Variants in EPHA7 observed in about 807,000 individuals in gnomAD.
EPHA7 encodes the protein EPH receptor A7.
Under a neutral mutation model 112.6 loss-of-function variants are expected in EPHA7, and 25 were observed. The observed-to-expected ratio is 0.22, with a 90% CI of 0.16 to 0.31. The LOEUF is 0.31. Ranked by LOEUF, EPHA7 falls within the 10% of genes least tolerant of loss-of-function variation. EPHA7 has a pLI of 1.00. For synonymous variants in EPHA7, 437 were observed against 406.5 expected, an observed-to-expected ratio of 1.07 and a Z score of -0.90; for missense variants, 962 against 1,212.6, an observed-to-expected ratio of 0.79 and a Z score of 3.07.
chr6:93,414,834 AG>A, intron 1 of EPHA7, 67 bp from the exon 2 acceptor site: 1 of 1,273,304 alleles, frequency 7.9e-7, no homozygotes, highest in Non-Finnish European at 1.1e-6. Flanking sequence ...GACATTTTTA[AG>A]GTGAATCTTT....
intron 14 of EPHA7, among the ~76,000 whole-genome samples, chr6:93,253,684 G>T (rs1770314307): frequency 6.6e-6 from 1 of 151,936 alleles, no homozygotes; most frequent in Non-Finnish European, 1.5e-5. Flanking sequence ...CCATTTGATC[G>T]GTCTTCATAC....
At chr6:93,274,899 C>T (rs1304144696) in intron 5 of EPHA7, among the ~76,000 whole-genome samples, 1 of 151,780 alleles carries the variant, frequency 6.6e-6, no homozygotes, top group Non-Finnish European at 1.5e-5. Flanking sequence ...TATATTCTAA[C>T]AAGGTAATTA....
At chr6:93,389,206 T>A (rs373834695) in intron 3 of EPHA7, among the ~76,000 whole-genome samples, 1 of 152,112 alleles carries the variant, frequency 6.6e-6, no homozygotes, top group East Asian at 1.9e-4. Flanking sequence ...TATCTTACCA[T>A]GAGTTAGACA....
chr6:93,312,375 A>G (rs557768534), intron 5 of EPHA7, among the ~76,000 whole-genome samples: 1 of 150,966 alleles, frequency 6.6e-6, no homozygotes, highest in African/African-American at 2.4e-5. Context: ...CACTTGCTTC[A>G]TCTTGCACTT....
chr6:93,407,287 A>T (rs1434959426), intron 3 of EPHA7, among the ~76,000 whole-genome samples: 2 of 152,068 alleles, frequency 1.3e-5, no homozygotes, highest in Non-Finnish European at 2.9e-5. Flanking sequence ...GGGACTCACT[A>T]GCATCCTCTC....
chr6:93,253,448 A>G, intron 14 of EPHA7, among the ~76,000 whole-genome samples: 1 of 105,200 alleles, frequency 9.5e-6, no homozygotes, highest in East Asian at 3.6e-4. Context: ...TCAACAACAT[A>G]TAAAACAGTC....
chr6:93,411,311 T>A, intron 2 of EPHA7, 141 bp from the exon 3 acceptor site: 1 of 669,674 alleles, frequency 1.5e-6, no homozygotes, highest in Non-Finnish European at 2.5e-6. Context: ...CCAGAGAATG[T>A]AAGATTCCAG....
At chr6:93,254,904 T>G (rs1360062522) in intron 13 of EPHA7, 108 bp from the exon 14 acceptor site, 7 of 812,024 alleles carry the variant, frequency 8.6e-6, no homozygotes, top group Middle Eastern at 2.8e-4. Context: ...TTCAGCAGCA[T>G]CAGGTCTACC....
chr6:93,319,314 T>C (rs577655816), intron 5 of EPHA7, among the ~76,000 whole-genome samples: 23 of 152,162 alleles, frequency 1.5e-4, no homozygotes, highest in Middle Eastern at 6.8e-3. Context: ...AATGATTTGA[T>C]AGAGATGAGT....
intron 5 of EPHA7, among the ~76,000 whole-genome samples, chr6:93,299,931 C>G (rs1490136227): frequency 6.6e-6 from 1 of 152,084 alleles, no homozygotes; most frequent in African/African-American, 2.4e-5. Flanking sequence ...GATGGGAACT[C>G]ATGGACACAA....
At chr6:93,250,203 C>A (rs1014461296) in intron 14 of EPHA7, among the ~76,000 whole-genome samples, 1 of 152,014 alleles carries the variant, frequency 6.6e-6, no homozygotes, top group Non-Finnish European at 1.5e-5. Context: ...CCTTATAGAG[C>A]AGTTTGGCAT....
At chr6:93,341,592 T>C (rs1273872911) in intron 5 of EPHA7, among the ~76,000 whole-genome samples, 3 of 151,840 alleles carry the variant, frequency 2.0e-5, no homozygotes, top group Non-Finnish European at 4.4e-5. Context: ...ATTGTAAATG[T>C]TTCTAATTTT....
chr6:93,241,154 C>T lies in EPHA7; in HGVS notation c.*2272G>A. On this transcript the variant is annotated 3_prime_UTR_variant, in exon 17 of 17. Transcript: ENST00000369303. ...AAAAAAGCAGGAAAGACACCGTTTG[C>T]ATGTACCATACTATGTCTTCTATTT... is the stretch of plus-strand genomic sequence containing the variant. 1 of 208,312 alleles carries T rather than the reference C, an allele frequency of 4.8e-6. No individual in the cohort carries two copies. Among genetic ancestry groups the T allele is most frequent in the Non-Finnish European group, 9.8e-6 (1 of 102,174 alleles). The allele number at this position is 208,312 out of a possible 1,614,324, so 12.9% of individuals were successfully genotyped here. A position where few individuals can be genotyped will look rare whatever the true frequency, so the allele number is the denominator to read the frequency against.
intron 3 of EPHA7, among the ~76,000 whole-genome samples, chr6:93,403,830 G>T (rs371941507): frequency 1.3e-5 from 2 of 152,016 alleles, no homozygotes; most frequent in African/African-American, 4.8e-5. Context: ...GAATGGTACC[G>T]CCAGTAACCA....
intron 10 of EPHA7, among the ~76,000 whole-genome samples, chr6:93,258,745 T>C (rs1770558457): frequency 6.7e-6 from 1 of 149,944 alleles, no homozygotes; most frequent in Admixed American, 6.7e-5. Context: ...CAGCAAATTC[T>C]AAACATTGCT....
chr6:93,262,474 G>A (rs2127865395), intron 9 of EPHA7, among the ~76,000 whole-genome samples: 1 of 151,210 alleles, frequency 6.6e-6, no homozygotes, highest in Middle Eastern at 3.4e-3. Context: ...CTTTTTTTAG[G>A]GGAAAGAATA....
At chr6:93,246,204 A>G (rs946441834) in intron 15 of EPHA7, among the ~76,000 whole-genome samples, 1 of 151,952 alleles carries the variant, frequency 6.6e-6, no homozygotes, top group Non-Finnish European at 1.5e-5. Context: ...GGCGCCCGCC[A>G]CCACGCCCAG....
In EPHA7 at chr6:93,284,250, A is replaced by T. The variant is rs370841400; in HGVS notation, c.1325-11828T>A. 2.0e-5 allele frequency among the ~76,000 whole-genome samples: 3 copies of T among 152,136 alleles called. 1 individual carries two copies. Among genetic ancestry groups the T allele is most frequent in the Admixed American group, 6.5e-5 (1 of 15,298 alleles). ...ACCCATATATATCAAACATAAATTG[A>T]CTTTCTTAAACATGATTTAACAATG... On this transcript the variant is annotated intron_variant, in intron 5 of 16. Transcript: ENST00000369303.
At chr6:93,249,735 C>CT (rs765164648) in intron 14 of EPHA7, among the ~76,000 whole-genome samples, 1 of 152,026 alleles carries the variant, frequency 6.6e-6, no homozygotes, top group Non-Finnish European at 1.5e-5. Flanking sequence ...GTGATCTTTC[C>CT]TTTTTTCTTT....
Sources: gnomAD v4.1 joint callset for allele counts (sites outside exome capture counted in the v4.1 genomes callset) on GRCh38, gnomAD v4.1.1 for gene constraint, MANE v1.5 for transcripts, NCBI Gene and HGNC (gene_info 2026-07-23, HGNC 2026-07-21) for gene names.